The following BTBD9 variants were observed in gnomAD, a reference collection of about 807,000 sequenced individuals.
BTBD9 encodes BTB/POZ domain-containing protein 9.
BTBD9 carries 49 observed loss-of-function variants against 64.3 expected under a neutral mutation model. That is an observed-to-expected ratio of 0.76 (90% CI 0.61 to 0.97). The LOEUF (loss-of-function observed/expected upper bound fraction) is 0.97. BTBD9 is among the 50% of genes least tolerant of loss of function. The pLI, the probability that BTBD9 is intolerant of heterozygous loss-of-function variation, is 0.00. For missense variants in BTBD9, 598 were observed against 762.1 expected (o/e 0.78, Z 2.53); for synonymous variants, 260 against 274.7 (o/e 0.95, Z 0.53).
At chr6:38,470,921 T>C (rs1005736572) in intron 6 of BTBD9, among the ~76,000 whole-genome samples, 2 of 152,220 alleles carry the variant, frequency 1.3e-5, no homozygotes, top group Non-Finnish European at 2.9e-5. Context: ...TGCTGCTTCT[T>C]TAACATGCAC....
At chr6:38,375,744 C>T (rs1208559832) in intron 6 of BTBD9, among the ~76,000 whole-genome samples, 1 of 152,082 alleles carries the variant, frequency 6.6e-6, no homozygotes, top group African/African-American at 2.4e-5. Context: ...CACACAAACA[C>T]TGCATACTGT....
intron 6 of BTBD9, among the ~76,000 whole-genome samples, chr6:38,567,823 C>T (rs1380786048): frequency 2.0e-5 from 3 of 152,086 alleles, no homozygotes; most frequent in Non-Finnish European, 4.4e-5. Context: ...TCACAGTCTT[C>T]TTTAAACATA....
intron 6 of BTBD9, among the ~76,000 whole-genome samples, chr6:38,488,271 T>A (rs1022647704): frequency 8.5e-5 from 13 of 152,114 alleles, no homozygotes; most frequent in African/African-American, 3.1e-4. Flanking sequence ...ATTTTTTTTT[T>A]AATATCAACA....
intron 9 of BTBD9, among the ~76,000 whole-genome samples, chr6:38,200,599 C>T (rs780868237): frequency 1.4e-4 from 21 of 151,918 alleles, no homozygotes; most frequent in Non-Finnish European, 2.2e-4. Context: ...CTGATGCCAC[C>T]GAAATACAAA....
At chr6:38,339,808 A>C (rs1175229518) in intron 7 of BTBD9, among the ~76,000 whole-genome samples, 1 of 152,232 alleles carries the variant, frequency 6.6e-6, no homozygotes, top group Non-Finnish European at 1.5e-5. Context: ...TAAATATTGA[A>C]AGCAAAATGG....
chr6:38,394,568 T>C (rs539126743), intron 6 of BTBD9, among the ~76,000 whole-genome samples: 3 of 152,318 alleles, frequency 2.0e-5, no homozygotes, highest in Admixed American at 2.0e-4. Context: ...TTGTGTTCTG[T>C]TATTCATATC....
intron 6 of BTBD9, among the ~76,000 whole-genome samples, chr6:38,376,606 T>C (rs1169225444): frequency 1.3e-5 from 2 of 152,186 alleles, no homozygotes; most frequent in African/African-American, 2.4e-5. Flanking sequence ...GTGTTAACTT[T>C]CTGATAAAAG....
chr6:38,394,330 A>G (rs2127625777), intron 6 of BTBD9, among the ~76,000 whole-genome samples: 1 of 152,262 alleles, frequency 6.6e-6, no homozygotes, highest in Non-Finnish European at 1.5e-5. Flanking sequence ...TCCTGGTAAA[A>G]AGAATGCTTC....
At chr6:38,301,580 T>G (rs1762405249) in intron 7 of BTBD9, among the ~76,000 whole-genome samples, 1 of 152,242 alleles carries the variant, frequency 6.6e-6, no homozygotes, top group Non-Finnish European at 1.5e-5. Context: ...CTTCCTGGTT[T>G]AGTCTTGGGA....
chr6:38,485,741 AT>A (rs1439681767), intron 6 of BTBD9, among the ~76,000 whole-genome samples: 1 of 152,122 alleles, frequency 6.6e-6, no homozygotes, highest in Non-Finnish European at 1.5e-5. Context: ...GGGCCCTAGG[AT>A]TTTCAAAGTG....
At chr6:38,405,671 G>C (rs1190201409) in intron 6 of BTBD9, among the ~76,000 whole-genome samples, 3 of 151,096 alleles carry the variant, frequency 2.0e-5, no homozygotes, top group African/African-American at 7.3e-5. Context: ...AAGGTTTTGT[G>C]ATGGCAAAAC....
intron 1 of BTBD9, among the ~76,000 whole-genome samples, chr6:38,598,350 A>C (rs1040822849): frequency 3.9e-5 from 6 of 152,204 alleles, no homozygotes; most frequent in Non-Finnish European, 5.9e-5. Context: ...CCAGATCTCC[A>C]AACACTAACA....
intron 7 of BTBD9, among the ~76,000 whole-genome samples, chr6:38,304,006 C>T (rs1008549050): frequency 3.4e-5 from 5 of 148,970 alleles, no homozygotes; most frequent in Admixed American, 6.8e-5. Context: ...ACTTTGATCT[C>T]GACATAATTA....
rs869155666 is a variant in BTBD9 at position 38,171,846 on chromosome 6, C to CAAAA, written c.*3135_*3138dup. On this transcript the variant is annotated 3_prime_UTR_variant, in exon 11 of 11. Transcript: ENST00000481247. Reference sequence around the variant, plus strand: ...TCCAATGAAGTTGCCTTTCTACTCTCAAAAAAAAAAAAAAAAAAAAAAAAA... The same window carrying CAAAA: ...TCCAATGAAGTTGCCTTTCTACTCTCAAAAAAAAAAAAAAAAAAAAAAAAAAAAA... The CAAAA allele has an allele frequency of 8.6e-4, 68 of 79,132 alleles. No homozygotes were observed. Among genetic ancestry groups the CAAAA allele is most frequent in the Non-Finnish European group, 1.1e-3 (49 of 45,648 alleles). 4.9% of individuals were successfully genotyped at this position (79,132 alleles called of 1,614,324 possible). A position where few individuals can be genotyped will look rare whatever the true frequency, so the allele number is the denominator to read the frequency against.
At chr6:38,394,546 G>A (rs1428313899) in intron 6 of BTBD9, among the ~76,000 whole-genome samples, 1 of 152,108 alleles carries the variant, frequency 6.6e-6, no homozygotes, top group East Asian at 1.9e-4. Context: ...CCTCCAAAAT[G>A]GCACCCAATG....
intron 6 of BTBD9, among the ~76,000 whole-genome samples, chr6:38,427,914 T>C (rs1768247509): frequency 1.3e-5 from 2 of 151,998 alleles, no homozygotes; most frequent in Admixed American, 1.3e-4. Context: ...TTAACCTTCA[T>C]AGTTAGTTAC....
At chr6:38,340,882 T>C (rs2127587633) in intron 7 of BTBD9, among the ~76,000 whole-genome samples, 1 of 152,288 alleles carries the variant, frequency 6.6e-6, no homozygotes, top group East Asian at 1.9e-4. Context: ...CACACAACAC[T>C]ACCTATGGAG....
At chr6:38,523,927 C>T (rs2127422322) in intron 6 of BTBD9, among the ~76,000 whole-genome samples, 1 of 152,290 alleles carries the variant, frequency 6.6e-6, no homozygotes, top group Non-Finnish European at 1.5e-5. Context: ...TCTTAAACCA[C>T]TGTGTTCTGC....
Position 38,237,841 on chromosome 6 carries a change from T to A in BTBD9, c.1562+18568A>T, listed in dbSNP as rs548756855. Reference sequence around the variant, plus strand: ...TTTTCAATGGTATTTTCCAATGTTTTAAAAAAAAAAAATCAGCCAGATATG... The same window carrying A: ...TTTTCAATGGTATTTTCCAATGTTTAAAAAAAAAAAAATCAGCCAGATATG... On this transcript the variant is annotated intron_variant, in intron 9 of 10. Coordinates refer to ENST00000481247, the MANE Select transcript of BTBD9 (RefSeq NM_001099272.2). 1.0e-3 allele frequency among the ~76,000 whole-genome samples: 156 copies of A among 149,866 alleles called. 3 individuals carry two copies. The highest frequency in any genetic ancestry group is 2.7e-3 in the East Asian group (14 of 5,124).
Sources: allele counts gnomAD v4.1 joint callset (sites outside exome capture counted in the v4.1 genomes callset), GRCh38; gene constraint gnomAD v4.1.1; transcripts MANE v1.5; gene names NCBI Gene and HGNC (gene_info 2026-07-23, HGNC 2026-07-21).